The following PIAS1 variants were observed in gnomAD, a reference collection of about 807,000 sequenced individuals.
PIAS1 encodes the protein protein inhibitor of activated STAT 1.
In PIAS1, 6 loss-of-function variants were observed where a neutral mutation model predicts 71.3. The observed-to-expected ratio is 0.08, with a 90% confidence interval of 0.05 to 0.17. PIAS1 has a LOEUF of 0.17. PIAS1 is among the 10% of genes least tolerant of loss of function. PIAS1 has a pLI of 1.00. For synonymous variants in PIAS1, 303 were observed against 292.9 expected (o/e 1.03, Z -0.35); for missense variants, 555 against 793.6 (o/e 0.70, Z 3.61).
chr15:68,057,155 A>G (rs1031152401), intron 1 of PIAS1, among the ~76,000 whole-genome samples: 1 of 152,194 alleles, frequency 6.6e-6, no homozygotes, highest in African/African-American at 2.4e-5. Context: ...CCCTGTAGGA[A>G]TTGTGCAAGC....
At chr15:68,105,822 A>T (rs1353366459) in intron 2 of PIAS1, among the ~76,000 whole-genome samples, 1 of 152,164 alleles carries the variant, frequency 6.6e-6, no homozygotes. Flanking sequence ...AATTTTTTTT[A>T]AATAAATAAC....
In PIAS1 at chr15:68,173,635, A is replaced by G. The variant is rs563472051; in HGVS notation, c.1009-97A>G. On this transcript the variant is annotated intron_variant, in intron 8 of 13. Transcript: ENST00000249636. This position sits in a 1 kb window ranked among gnomAD's most constrained non-coding sequence, Gnocchi z 4.3. ...GAAAAGTCAACACTGTATGCTTTAA[A>G]TCAGCATGCCTACCTGTTGTGTTCT... The G allele has an allele frequency of 1.3e-5, 9 of 717,426 alleles. No homozygotes were observed. Among genetic ancestry groups the G allele is most frequent in the East Asian group, 2.8e-5 (1 of 35,154 alleles). 44.4% of individuals were successfully genotyped at this position (717,426 alleles called of 1,614,324 possible).
chr15:68,151,707 C>CAAAA (rs1555431446), intron 6 of PIAS1, among the ~76,000 whole-genome samples: 1 of 134,408 alleles, frequency 7.4e-6, no homozygotes, highest in African/African-American at 2.8e-5. Context: ...CACACACACA[C>CAAAA]AAATTAGCTA....
intron 7 of PIAS1, among the ~76,000 whole-genome samples, chr15:68,156,709 TAA>T (rs35479013): frequency 2.0e-4 from 24 of 119,052 alleles, no homozygotes; most frequent in Admixed American, 3.4e-4. Flanking sequence ...ACACTGTCTT[TAA>T]AAAAAAAAAA....
At chr15:68,103,102 A>G (rs2092441379) in intron 2 of PIAS1, among the ~76,000 whole-genome samples, 1 of 151,342 alleles carries the variant, frequency 6.6e-6, no homozygotes, top group East Asian at 1.9e-4. Context: ...TAATTTTCGT[A>G]TTTTAGTAGA....
At chr15:68,147,320 GT>G (rs2092814949) in intron 6 of PIAS1, among the ~76,000 whole-genome samples, 1 of 152,048 alleles carries the variant, frequency 6.6e-6, no homozygotes, top group African/African-American at 2.4e-5. Context: ...CCACCACTGT[GT>G]TTTAATTAGT....
chr15:68,185,673 A>G lies in PIAS1; in HGVS notation c.1663-1869A>G, dbSNP rs2093082692. ...CAAGCTCCTTAAAAAATTTAAAAACATGGGCCCTGGCTGGGCGCTGTGGCT... is the reference window on the plus strand; with the variant it reads ...CAAGCTCCTTAAAAAATTTAAAAACGTGGGCCCTGGCTGGGCGCTGTGGCT... On this transcript the variant is annotated intron_variant, in intron 13 of 13. Transcript: ENST00000249636. The surrounding 1 kb of genome is among the most constrained non-coding windows in gnomAD (Gnocchi z 4.4). Among the ~76,000 whole-genome samples the G allele has an allele frequency of 6.6e-6, 1 of 152,298 alleles. No homozygotes were observed. The highest frequency in any genetic ancestry group is 2.4e-5 in the African/African-American group (1 of 41,580).
chr15:68,182,830 G>T (rs1172987596), intron 12 of PIAS1, among the ~76,000 whole-genome samples: 1 of 152,148 alleles, frequency 6.6e-6, no homozygotes, highest in Non-Finnish European at 1.5e-5. Flanking sequence ...GTAAGCCTTC[G>T]TGTTGTAATC....
chr15:68,061,796 T>C lies in PIAS1; in HGVS notation c.24+7446T>C, dbSNP rs535688148. 3.7e-4 allele frequency among the ~76,000 whole-genome samples: 57 copies of C among 152,340 alleles called. No individual in the cohort carries two copies. In the South Asian group the frequency reaches 7.9e-3, roughly 21 times the overall value. On this transcript the variant is annotated intron_variant, in intron 1 of 13. Transcript: ENST00000249636. ...CTGGATAAAGACTTAGTTCTCAGTC[T>C]AGTATTCAAGATTTTCTATTGTCTG...
chr15:68,184,513 A>C (rs2093074975), intron 13 of PIAS1: 1 of 152,260 alleles, frequency 6.6e-6, no homozygotes, highest in Admixed American at 6.5e-5. Context: ...GCTTAAAGAA[A>C]AGACTGGACC....
At position 68,135,183 on chromosome 15, in the gene PIAS1, G is replaced by A. The variant is rs1289599994; in HGVS notation, c.470-6763G>A. The stretch of plus-strand genomic sequence containing the variant: ...TCCCTCCCGGACGGGGTGGCTGGCC[G>A]GGCGGGGGGCTGACCCCCCCACCTC... On this transcript the variant is annotated intron_variant, in intron 2 of 13. Transcript: ENST00000249636. 1.5e-4 allele frequency among the ~76,000 whole-genome samples: 7 copies of A among 45,980 alleles called. 1 individual carries two copies. Among genetic ancestry groups the A allele is most frequent in the Non-Finnish European group, 5.3e-4 (6 of 11,342 alleles). 30.2% of individuals were successfully genotyped at this position (45,980 alleles called of 152,430 possible).
At chr15:68,182,319 T>A (rs1447827071) in intron 12 of PIAS1, among the ~76,000 whole-genome samples, 1 of 152,132 alleles carries the variant, frequency 6.6e-6, no homozygotes, top group Non-Finnish European at 1.5e-5. Flanking sequence ...AACTTTTTTT[T>A]ATTAAAAAAG....
chr15:68,087,726 T>C (rs1487674858), intron 2 of PIAS1: 2 of 270,350 alleles, frequency 7.4e-6, no homozygotes, highest in Non-Finnish European at 1.6e-5. Flanking sequence ...AACATTTCAG[T>C]TTGGGGGACT....
intron 2 of PIAS1, among the ~76,000 whole-genome samples, chr15:68,115,627 G>A (rs1265552954): frequency 6.6e-6 from 1 of 151,920 alleles, no homozygotes; most frequent in Admixed American, 6.6e-5. Context: ...AATTTTTGAG[G>A]GAAAACATTG....
chr15:68,164,890 T>TGG (rs2092947395), intron 8 of PIAS1, 86 bp downstream of exon 8: 1 of 728,282 alleles, frequency 1.4e-6, no homozygotes, highest in Non-Finnish European at 2.3e-6. Context: ...TGAGAAATTC[T>TGG]GTTTGCTTCT....
intron 7 of PIAS1, among the ~76,000 whole-genome samples, chr15:68,160,488 C>CGA (rs2092917614): frequency 6.6e-6 from 1 of 152,220 alleles, no homozygotes; most frequent in South Asian, 2.1e-4. Context: ...TTATGCCAAA[C>CGA]GAGTCTTAAT....
At chr15:68,082,305 A>G (rs1375085002) in intron 1 of PIAS1, among the ~76,000 whole-genome samples, 1 of 152,158 alleles carries the variant, frequency 6.6e-6, no homozygotes, top group Admixed American at 6.5e-5. Flanking sequence ...AAAGAGAGAC[A>G]AGGGAATTCC....
At chr15:68,097,103 T>A (rs983075878) in intron 2 of PIAS1, among the ~76,000 whole-genome samples, 4 of 152,200 alleles carry the variant, frequency 2.6e-5, no homozygotes, top group East Asian at 1.9e-4. Context: ...GAGTGTTTTT[T>A]ATCATGAAAT....
intron 2 of PIAS1, among the ~76,000 whole-genome samples, chr15:68,089,124 A>G (rs1005373724): frequency 2.0e-5 from 3 of 152,242 alleles, no homozygotes; most frequent in Admixed American, 6.5e-5. Context: ...GTTCAAATGT[A>G]AACTGAATGT....
Sources: allele counts gnomAD v4.1 joint callset (sites outside exome capture counted in the v4.1 genomes callset), GRCh38; gene constraint gnomAD v4.1.1; non-coding constraint Gnocchi (gnomAD v3.1); transcripts MANE v1.5; gene names NCBI Gene and HGNC (gene_info 2026-07-23, HGNC 2026-07-21).